EPHB1: variants seen among roughly 807,000 people sequenced by gnomAD.
EPHB1 encodes ephrin type-B receptor 1.
In EPHB1, 30 loss-of-function variants were observed where a neutral mutation model predicts 94.4. That is an observed-to-expected ratio of 0.32 (90% CI 0.24 to 0.43). The LOEUF is 0.43. Ranked by LOEUF, EPHB1 falls within the 20% of genes least tolerant of loss-of-function variation. EPHB1 has a pLI of 1.00. For synonymous variants in EPHB1, 522 were observed against 489.1 expected, an observed-to-expected ratio of 1.07 and a Z score of -0.89; for missense variants, 1,055 against 1,308.3, an observed-to-expected ratio of 0.81 and a Z score of 2.99.
chr3:135,198,681 A>G (rs955040396), intron 11 of EPHB1, among the ~76,000 whole-genome samples: 1 of 152,200 alleles, frequency 6.6e-6, no homozygotes, highest in African/African-American at 2.4e-5. Flanking sequence ...GTACAGGGGA[A>G]CTGACTTGTG....
chr3:134,806,726 T>C (rs550241492), intron 1 of EPHB1, among the ~76,000 whole-genome samples: 2 of 152,322 alleles, frequency 1.3e-5, no homozygotes, highest in African/African-American at 4.8e-5. Context: ...CAACACTTAA[T>C]AACAAATATT....
At chr3:135,245,528 A>C (rs966901004) in intron 13 of EPHB1, among the ~76,000 whole-genome samples, 6 of 148,752 alleles carry the variant, frequency 4.0e-5, no homozygotes, top group African/African-American at 1.5e-4. Flanking sequence ...AAAAAAAAAA[A>C]AAAAAAAATC....
intron 14 of EPHB1, among the ~76,000 whole-genome samples, chr3:135,248,911 T>A (rs969934845): frequency 1.3e-5 from 2 of 149,616 alleles, no homozygotes; most frequent in African/African-American, 4.9e-5. Context: ...CACTGCTCCA[T>A]TTTTTTTTTC....
At chr3:135,183,752 G>C (rs771189443) in intron 10 of EPHB1, among the ~76,000 whole-genome samples, 3 of 152,212 alleles carry the variant, frequency 2.0e-5, no homozygotes, top group African/African-American at 7.2e-5. Flanking sequence ...GTCACATCCT[G>C]AGAACAAGGG....
intron 5 of EPHB1, among the ~76,000 whole-genome samples, chr3:135,144,334 G>T (rs898962320): frequency 1.3e-5 from 2 of 152,186 alleles, no homozygotes; most frequent in Non-Finnish European, 2.9e-5. Context: ...TAGGTTTCCA[G>T]ACAAGCAGTT....
intron 15 of EPHB1, 52 bp from the exon 16 acceptor site, chr3:135,258,960 G>C: frequency 7.0e-7 from 1 of 1,422,450 alleles, no homozygotes; most frequent in Non-Finnish European, 9.7e-7. Context: ...TTTGATCTGC[G>C]AAAAGCTAAC....
intron 4 of EPHB1, among the ~76,000 whole-genome samples, chr3:135,130,738 G>A (rs560792979): frequency 6.6e-6 from 1 of 152,274 alleles, no homozygotes; most frequent in South Asian, 2.1e-4. Flanking sequence ...TGCTTTCTGA[G>A]TGATAGCCTC....
chr3:134,832,873 C>G (rs1312162036), intron 1 of EPHB1, among the ~76,000 whole-genome samples: 1 of 152,224 alleles, frequency 6.6e-6, no homozygotes, highest in Non-Finnish European at 1.5e-5. Context: ...CTTTCTAACG[C>G]TGCAATTCAG....
intron 1 of EPHB1, among the ~76,000 whole-genome samples, chr3:134,896,162 A>G (rs570670599): frequency 1.3e-5 from 2 of 152,134 alleles, no homozygotes; most frequent in Admixed American, 6.5e-5. Flanking sequence ...CTAAGCTCTA[A>G]CTAAGATGCC....
chr3:134,965,799 T>C (rs560218713), intron 3 of EPHB1, among the ~76,000 whole-genome samples: 11 of 151,994 alleles, frequency 7.2e-5, no homozygotes, highest in African/African-American at 1.9e-4. Flanking sequence ...AGGCTACCGA[T>C]TGACTACTCA....
chr3:135,152,972 TCTAA>T (rs1417615881), intron 5 of EPHB1, among the ~76,000 whole-genome samples: 1 of 152,148 alleles, frequency 6.6e-6, no homozygotes, highest in Admixed American at 6.5e-5. Flanking sequence ...TTATCACACT[TCTAA>T]CTCTTTATGG....
intron 12 of EPHB1, among the ~76,000 whole-genome samples, chr3:135,220,027 C>G (rs1943239597): frequency 6.8e-6 from 1 of 147,850 alleles, no homozygotes; most frequent in Admixed American, 6.7e-5. Context: ...AGTACACAGG[C>G]AAGAGTTTTT....
At chr3:135,128,399 A>G (rs1940288959) in intron 4 of EPHB1, among the ~76,000 whole-genome samples, 1 of 152,228 alleles carries the variant, frequency 6.6e-6, no homozygotes, top group African/African-American at 2.4e-5. Context: ...GCAGACGCCA[A>G]ATCTACCCTG....
intron 2 of EPHB1, among the ~76,000 whole-genome samples, chr3:134,934,570 G>A (rs1160817647): frequency 6.6e-6 from 1 of 152,210 alleles, no homozygotes; most frequent in East Asian, 1.9e-4. Flanking sequence ...TTATGGGCAT[G>A]TGTATGCATT....
At chr3:135,091,572 A>C (rs537405275) in intron 3 of EPHB1, among the ~76,000 whole-genome samples, 8 of 152,258 alleles carry the variant, frequency 5.3e-5, no homozygotes, top group Non-Finnish European at 1.2e-4. Flanking sequence ...GGTATTTCTA[A>C]GGTCTTTTCC....
chr3:135,224,889 C>T (rs997110489), intron 12 of EPHB1, among the ~76,000 whole-genome samples: 2 of 152,306 alleles, frequency 1.3e-5, no homozygotes, highest in South Asian at 4.1e-4. Flanking sequence ...TTTGGAATGA[C>T]CTTTGGCCAA....
intron 13 of EPHB1, among the ~76,000 whole-genome samples, chr3:135,243,915 A>G (rs1429360932): frequency 6.6e-6 from 1 of 152,062 alleles, no homozygotes; most frequent in African/African-American, 2.4e-5. Flanking sequence ...TCAGAGCTTG[A>G]CTTAACCCAC....
intron 3 of EPHB1, among the ~76,000 whole-genome samples, chr3:135,100,903 G>A (rs977484571): frequency 1.3e-5 from 2 of 152,122 alleles, no homozygotes; most frequent in African/African-American, 4.8e-5. Flanking sequence ...CTCAGATCTT[G>A]TCTCCTCCCC....
intron 1 of EPHB1, among the ~76,000 whole-genome samples, chr3:134,797,366 C>A (rs919869646): frequency 5.3e-5 from 8 of 152,172 alleles, no homozygotes; most frequent in Admixed American, 2.0e-4. Context: ...ACCCCCAAAC[C>A]GGGCAGGAAA....
Sources: gnomAD v4.1 joint callset for allele counts (sites outside exome capture counted in the v4.1 genomes callset) on GRCh38, gnomAD v4.1.1 for gene constraint, MANE v1.5 for transcripts, NCBI Gene and HGNC (gene_info 2026-07-23, HGNC 2026-07-21) for gene names.